The following FBXL7 variants were observed in gnomAD, a reference collection of about 807,000 sequenced individuals.
FBXL7 encodes F-box/LRR-repeat protein 7.
Under a neutral mutation model 38.3 loss-of-function variants are expected in FBXL7, and 12 were observed. The observed-to-expected ratio is 0.31, with a 90% confidence interval of 0.20 to 0.51. The LOEUF (loss-of-function observed/expected upper bound fraction) is 0.51, where lower values mean the gene tolerates loss of function less well. Ranked by LOEUF, FBXL7 falls within the 20% of genes least tolerant of loss-of-function variation. FBXL7 has a pLI of 0.98. For missense variants in FBXL7, 567 were observed against 676.4 expected (o/e 0.84, Z 1.79); for synonymous variants, 297 against 300.9 (o/e 0.99, Z 0.13).
At chr5:15,819,139 A>G (rs1211915298) in intron 2 of FBXL7, among the ~76,000 whole-genome samples, 1 of 152,198 alleles carries the variant, frequency 6.6e-6, no homozygotes, top group Non-Finnish European at 1.5e-5. Context: ...TGCAAACCAT[A>G]GTATCTCTGT....
At chr5:15,792,374 T>A (rs1441907165) in intron 2 of FBXL7, among the ~76,000 whole-genome samples, 1 of 152,190 alleles carries the variant, frequency 6.6e-6, no homozygotes. Context: ...GCAAGATGTA[T>A]TCCTCCTCAT....
At chr5:15,855,815 T>A (rs1459094660) in intron 2 of FBXL7, among the ~76,000 whole-genome samples, 1 of 152,188 alleles carries the variant, frequency 6.6e-6, no homozygotes, top group Non-Finnish European at 1.5e-5. Flanking sequence ...TTCCATATTA[T>A]CCATTTTACA....
chr5:15,579,363 C>G (rs145964727), intron 1 of FBXL7, among the ~76,000 whole-genome samples: 1 of 152,158 alleles, frequency 6.6e-6, no homozygotes, highest in South Asian at 2.1e-4. Context: ...GGACCTGGGA[C>G]GCCAGATGCT....
intron 2 of FBXL7, among the ~76,000 whole-genome samples, chr5:15,804,418 C>T (rs1476458928): frequency 6.6e-6 from 1 of 152,104 alleles, no homozygotes; most frequent in African/African-American, 2.4e-5. Flanking sequence ...GCAGTGAGCT[C>T]TGGTCATGCC....
intron 2 of FBXL7, among the ~76,000 whole-genome samples, chr5:15,664,819 C>T (rs1329916197): frequency 6.6e-6 from 1 of 151,648 alleles, no homozygotes; most frequent in Non-Finnish European, 1.5e-5. Context: ...ATTCCTTTAA[C>T]ATTTTGTTGT....
Position 15,759,589 on chromosome 5 carries a change from G to A in FBXL7, c.127+143517G>A, listed in dbSNP as rs185253213. 1.1e-3 allele frequency among the ~76,000 whole-genome samples: 167 copies of A among 152,206 alleles called. 1 individual carries two copies. The highest frequency in any genetic ancestry group is 3.8e-3 in the African/African-American group (156 of 41,542). On this transcript the variant is annotated intron_variant, in intron 2 of 3. Coordinates refer to ENST00000504595, the MANE Select transcript of FBXL7 (RefSeq NM_012304.5). ...TATTTTTAAATTTCCGGACTCGGTC[G>A]TGTATATTCAGGAAATGTAAATTAT... is the stretch of plus-strand genomic sequence containing the variant.
intron 2 of FBXL7, among the ~76,000 whole-genome samples, chr5:15,718,324 T>G (rs1415152739): frequency 6.6e-6 from 1 of 152,216 alleles, no homozygotes; most frequent in Non-Finnish European, 1.5e-5. Context: ...AACGGCAAAT[T>G]CCAAAGGGTA....
At chr5:15,923,101 A>G (rs1320347681) in intron 2 of FBXL7, among the ~76,000 whole-genome samples, 1 of 152,180 alleles carries the variant, frequency 6.6e-6, no homozygotes, top group African/African-American at 2.4e-5. Flanking sequence ...GAATTCTTCT[A>G]CCTCTGTCAT....
chr5:15,801,137 C>G (rs1302630559), intron 2 of FBXL7, among the ~76,000 whole-genome samples: 2 of 152,192 alleles, frequency 1.3e-5, no homozygotes, highest in African/African-American at 4.8e-5. Flanking sequence ...GGGTAATCTC[C>G]TTTACAAAAG....
intron 2 of FBXL7, among the ~76,000 whole-genome samples, chr5:15,783,931 A>G (rs1270028769): frequency 6.6e-6 from 1 of 152,218 alleles, no homozygotes; most frequent in Non-Finnish European, 1.5e-5. Context: ...GCAATGGGCC[A>G]GGTAAACATG....
At chr5:15,558,283 T>C (rs944909274) in intron 1 of FBXL7, among the ~76,000 whole-genome samples, 6 of 152,218 alleles carry the variant, frequency 3.9e-5, no homozygotes, top group African/African-American at 7.2e-5. Flanking sequence ...CTGTTCTCCT[T>C]TGGAGCCAGA....
At chr5:15,662,668 A>T (rs1348209096) in intron 2 of FBXL7, among the ~76,000 whole-genome samples, 2 of 152,098 alleles carry the variant, frequency 1.3e-5, no homozygotes, top group Non-Finnish European at 2.9e-5. Context: ...TCTTGAATTC[A>T]TTTTTGTATA....
chr5:15,883,170 G>A (rs1236447844), intron 2 of FBXL7, among the ~76,000 whole-genome samples: 1 of 152,072 alleles, frequency 6.6e-6, no homozygotes, highest in African/African-American at 2.4e-5. Flanking sequence ...GAAAATATAA[G>A]GATTATGTTT....
chr5:15,915,586 A>G (rs978033867), intron 2 of FBXL7, among the ~76,000 whole-genome samples: 2 of 152,220 alleles, frequency 1.3e-5, no homozygotes, highest in Non-Finnish European at 2.9e-5. Context: ...TAATACGTCA[A>G]TAGACCTTAT....
chr5:15,833,547 T>G (rs1436586404), intron 2 of FBXL7, among the ~76,000 whole-genome samples: 1 of 152,224 alleles, frequency 6.6e-6, no homozygotes, highest in Non-Finnish European at 1.5e-5. Context: ...TCCAGTATCT[T>G]CCCTGATGAT....
At chr5:15,661,608 G>C (rs1378781672) in intron 2 of FBXL7, among the ~76,000 whole-genome samples, 1 of 152,160 alleles carries the variant, frequency 6.6e-6, no homozygotes, top group African/African-American at 2.4e-5. Flanking sequence ...ACATAGGCAA[G>C]CTCATGGGGT....
At chr5:15,629,928 C>A (rs902811097) in intron 2 of FBXL7, among the ~76,000 whole-genome samples, 1 of 151,890 alleles carries the variant, frequency 6.6e-6, no homozygotes, top group African/African-American at 2.4e-5. Flanking sequence ...TTAAAAAAAG[C>A]TTAATGTTAC....
intron 2 of FBXL7, among the ~76,000 whole-genome samples, chr5:15,680,601 G>T (rs924922989): frequency 6.6e-6 from 1 of 151,850 alleles, no homozygotes; most frequent in Non-Finnish European, 1.5e-5. Context: ...GTAAAGATGA[G>T]ATGTCAGCCA....
intron 2 of FBXL7, among the ~76,000 whole-genome samples, chr5:15,869,974 G>A (rs962714621): frequency 6.6e-6 from 1 of 152,074 alleles, no homozygotes; most frequent in African/African-American, 2.4e-5. Flanking sequence ...GCTGGATGTG[G>A]TGGCACACTC....
Sources: allele counts gnomAD v4.1 joint callset (sites outside exome capture counted in the v4.1 genomes callset), GRCh38; gene constraint gnomAD v4.1.1; transcripts MANE v1.5; gene names NCBI Gene and HGNC (gene_info 2026-07-23, HGNC 2026-07-21).